The following CDYL variants were observed in gnomAD, a reference collection of about 807,000 sequenced individuals.
CDYL encodes the protein chromodomain Y like.
A neutral mutation model predicts 47.3 loss-of-function variants in CDYL; 8 were observed. That is an observed-to-expected ratio of 0.17 (90% CI 0.10 to 0.31). The LOEUF (loss-of-function observed/expected upper bound fraction) is 0.31, where lower values mean the gene tolerates loss of function less well. Ranked by LOEUF, CDYL falls within the 10% of genes least tolerant of loss-of-function variation. The pLI is 1.00. For missense variants in CDYL, 471 were observed against 701.4 expected, an observed-to-expected ratio of 0.67 and a Z score of 3.71; for synonymous variants, 266 against 265.0, an observed-to-expected ratio of 1.00 and a Z score of -0.04.
intron 1 of CDYL, among the ~76,000 whole-genome samples, chr6:4,851,914 C>T (rs755696686): frequency 6.6e-6 from 1 of 152,060 alleles, no homozygotes; most frequent in Non-Finnish European, 1.5e-5. Context: ...TAACCAAAAA[C>T]AGTGTGGCAT....
chr6:4,786,139 TCTC>T (rs1758749996), intron 1 of CDYL, among the ~76,000 whole-genome samples: 1 of 152,198 alleles, frequency 6.6e-6, no homozygotes, highest in Non-Finnish European at 1.5e-5. Context: ...CAGCAGGAAT[TCTC>T]CTAAGGAGGT....
At chr6:4,812,070 T>C (rs1759544204) in intron 1 of CDYL, among the ~76,000 whole-genome samples, 1 of 152,236 alleles carries the variant, frequency 6.6e-6, no homozygotes, top group African/African-American at 2.4e-5. Context: ...TGAATTGGAA[T>C]CTGCATCTTA....
chr6:4,920,932 A>C (rs1271006028), intron 2 of CDYL, among the ~76,000 whole-genome samples: 1 of 152,058 alleles, frequency 6.6e-6, no homozygotes, highest in African/African-American at 2.4e-5. Context: ...GTTCAGTTTT[A>C]AATTGCATGT....
intron 1 of CDYL, among the ~76,000 whole-genome samples, chr6:4,807,854 G>A (rs774954863): frequency 6.6e-5 from 10 of 151,864 alleles, no homozygotes; most frequent in South Asian, 2.1e-4. Context: ...CGATCCACTT[G>A]CCTCCACCTC....
At chr6:4,893,500 C>T (rs973102271) in intron 2 of CDYL, among the ~76,000 whole-genome samples, 1 of 152,214 alleles carries the variant, frequency 6.6e-6, no homozygotes, top group Non-Finnish European at 1.5e-5. Flanking sequence ...CGAGACCAGC[C>T]TGGCCAACAT....
chr6:4,796,108 C>T (rs989155255), intron 1 of CDYL, among the ~76,000 whole-genome samples: 5 of 152,062 alleles, frequency 3.3e-5, no homozygotes, highest in Admixed American at 1.3e-4. Flanking sequence ...TACAGGCACG[C>T]ACCACCATGT....
rs555974129 is a variant in CDYL, at chr6:4,824,027, T to G, written c.24+47220T>G. ...TGGCTTCCTTCACTTAGCATAATGT[T>G]TTCAAGGTTCATCCGTGTTCCAGCA... On this transcript the variant is annotated intron_variant, in intron 1 of 6. Transcript: ENST00000397588. 3.9e-5 allele frequency among the ~76,000 whole-genome samples: 6 copies of G among 152,366 alleles called. No homozygotes were observed. In the South Asian group the frequency reaches 1.2e-3, roughly 32 times the overall value.
chr6:4,815,538 G>A (rs558411425), intron 1 of CDYL, among the ~76,000 whole-genome samples: 2 of 152,278 alleles, frequency 1.3e-5, no homozygotes, highest in South Asian at 2.1e-4. Context: ...TTGCCTTCCA[G>A]TGTATTTGTT....
chr6:4,881,557 T>G (rs1351957629), intron 1 of CDYL, among the ~76,000 whole-genome samples: 2 of 152,210 alleles, frequency 1.3e-5, no homozygotes, highest in Admixed American at 6.5e-5. Flanking sequence ...TACCACCTTA[T>G]GTAAAGCAGA....
chr6:4,801,366 G>A (rs898500716), intron 1 of CDYL, among the ~76,000 whole-genome samples: 1 of 152,094 alleles, frequency 6.6e-6, no homozygotes, highest in Non-Finnish European at 1.5e-5. Context: ...GGCTCACTTG[G>A]AATCAGTTTC....
intron 1 of CDYL, among the ~76,000 whole-genome samples, chr6:4,859,370 CG>C (rs769451743): frequency 6.6e-6 from 1 of 151,994 alleles, no homozygotes; most frequent in Non-Finnish European, 1.5e-5. Context: ...GTCAGCTGCC[CG>C]GGGTGCCTTG....
At chr6:4,717,912 G>A (rs1403568041) in intron 2 of CDYL, among the ~76,000 whole-genome samples, 5 of 151,582 alleles carry the variant, frequency 3.3e-5, no homozygotes, top group Non-Finnish European at 7.4e-5. Context: ...AGTGGCTCAG[G>A]ACGGCTCACA....
At chr6:4,948,734 G>C (rs1316859543) in intron 5 of CDYL, among the ~76,000 whole-genome samples, 1 of 152,154 alleles carries the variant, frequency 6.6e-6, no homozygotes, top group East Asian at 1.9e-4. Flanking sequence ...CTAGTGTCCA[G>C]GGGGAGAAAC....
intron 1 of CDYL, among the ~76,000 whole-genome samples, chr6:4,861,439 C>T (rs1761166554): frequency 6.6e-6 from 1 of 152,208 alleles, no homozygotes; most frequent in Non-Finnish European, 1.5e-5. Context: ...TGTCCTTGGC[C>T]ATGTTTGAGC....
intron 2 of CDYL, among the ~76,000 whole-genome samples, chr6:4,895,187 A>G (rs1013517100): frequency 7.0e-6 from 1 of 143,624 alleles, no homozygotes; most frequent in African/African-American, 2.9e-5. Context: ...ATATATGTGT[A>G]TATATGTATA....
intron 1 of CDYL, among the ~76,000 whole-genome samples, chr6:4,815,824 T>A (rs1045912791): frequency 6.6e-6 from 1 of 151,980 alleles, no homozygotes; most frequent in Non-Finnish European, 1.5e-5. Context: ...TTTTGGCTTT[T>A]AAAAATATAT....
chr6:4,853,157 A>G (rs4557570), intron 1 of CDYL, among the ~76,000 whole-genome samples: 149,661 of 152,226 alleles, frequency 0.98, 73,575 homozygotes, highest in East Asian at 1. Flanking sequence ...ACAGTAAGGT[A>G]GCCAAGGCTC....
upstream of CDYL, among the ~76,000 whole-genome samples, chr6:4,771,896 G>A (rs1048737544): frequency 2.6e-5 from 4 of 152,168 alleles, no homozygotes; most frequent in Non-Finnish European, 5.9e-5. Context: ...CCAAAATTAT[G>A]GGAATACCTG....
intron 2 of CDYL, among the ~76,000 whole-genome samples, chr6:4,934,356 A>G (rs547228287): frequency 3.6e-4 from 55 of 152,292 alleles, no homozygotes; most frequent in Non-Finnish European, 7.1e-4. Flanking sequence ...AAAAACCTCT[A>G]GCAATTAAAA....
Sources: allele counts gnomAD v4.1 joint callset (sites outside exome capture counted in the v4.1 genomes callset), GRCh38; gene constraint gnomAD v4.1.1; transcripts MANE v1.5; gene names NCBI Gene and HGNC (gene_info 2026-07-23, HGNC 2026-07-21).